Variants in CTIF observed in about 807,000 individuals in gnomAD.
CTIF encodes the protein CBP80/20-dependent translation initiation factor.
In CTIF, 21 loss-of-function variants were observed where a neutral mutation model predicts 66.0. The observed-to-expected ratio is 0.32, with a 90% CI of 0.23 to 0.46. The LOEUF (loss-of-function observed/expected upper bound fraction) is 0.46, where lower values mean the gene tolerates loss of function less well. Ranked by LOEUF, CTIF falls within the 20% of genes least tolerant of loss-of-function variation. The pLI, the probability that CTIF is intolerant of heterozygous loss-of-function variation, is 1.00. For missense variants in CTIF, 739 were observed against 812.7 expected (o/e 0.91, Z 1.10); for synonymous variants, 345 against 326.4 (o/e 1.06, Z -0.62).
intron 10 of CTIF, among the ~76,000 whole-genome samples, chr18:48,824,455 C>T (rs2068542888): frequency 6.6e-6 from 1 of 152,088 alleles, no homozygotes; most frequent in South Asian, 2.1e-4. Context: ...AGCCTTCATT[C>T]CCTGACCCTA....
In CTIF at chr18:48,761,167, A is replaced by G. The variant is rs1392103663; in HGVS notation, c.1072-223A>G. ...TGGGTAGGAGCTAGAACCCAAAAAC[A>G]GTATCAGCCCTGGATGTCATAGGGG... is the stretch of plus-strand genomic sequence containing the variant. On this transcript the variant is annotated intron_variant, in intron 8 of 11. Transcript: ENST00000256413. This position sits in a 1 kb window ranked among gnomAD's most constrained non-coding sequence, Gnocchi z 4.2. 5.9e-6 allele frequency: 3 copies of G among 511,114 alleles called. No homozygotes were observed. Among genetic ancestry groups the G allele is most frequent in the Non-Finnish European group, 1.0e-5 (3 of 290,114 alleles). 31.7% of individuals were successfully genotyped at this position (511,114 alleles called of 1,614,324 possible).
intron 2 of CTIF, among the ~76,000 whole-genome samples, chr18:48,628,315 G>T (rs1047273994): frequency 6.6e-6 from 1 of 152,178 alleles, no homozygotes; most frequent in Non-Finnish European, 1.5e-5. Flanking sequence ...GCTGGGTGCT[G>T]CTTTAAGCCC....
intron 10 of CTIF, among the ~76,000 whole-genome samples, chr18:48,825,756 AT>A (rs1315406164): frequency 1.3e-5 from 2 of 152,168 alleles, no homozygotes; most frequent in African/African-American, 2.4e-5. Context: ...GGGAGCAGAG[AT>A]TTGCTGGCTG....
At chr18:48,830,635 A>G (rs372014450) in intron 10 of CTIF, among the ~76,000 whole-genome samples, 58 of 152,324 alleles carry the variant, frequency 3.8e-4, no homozygotes, top group African/African-American at 1.3e-3. Flanking sequence ...GTGGAAGAAC[A>G]CAGTAGAATA....
intron 6 of CTIF, among the ~76,000 whole-genome samples, chr18:48,700,548 C>T (rs1434355297): frequency 6.6e-6 from 1 of 152,236 alleles, no homozygotes; most frequent in Non-Finnish European, 1.5e-5. Context: ...CAGGGGCTCC[C>T]TCCCTGCTAC....
At chr18:48,752,265 T>C (rs747925274) in intron 7 of CTIF, among the ~76,000 whole-genome samples, 16 of 152,344 alleles carry the variant, frequency 1.1e-4, no homozygotes, top group Non-Finnish European at 1.8e-4. Flanking sequence ...GGAGTGTTTC[T>C]GATGCATGCT....
chr18:48,620,925 C>T (rs762751619), intron 2 of CTIF, among the ~76,000 whole-genome samples: 4 of 152,214 alleles, frequency 2.6e-5, no homozygotes, highest in South Asian at 2.1e-4. Context: ...CCACAGTAAT[C>T]CCATGCCCTG....
At chr18:48,730,355 TGTGTGAGGGGCCCCTGCG>T (rs1568171203) in intron 7 of CTIF, among the ~76,000 whole-genome samples, 6 of 36,098 alleles carry the variant, frequency 1.7e-4, no homozygotes, top group South Asian at 1.4e-3. Context: ...GGGCTCCTGC[TGTGTGAGGGGCCCCTGCG>T]GTGTGAGGGG....
intron 2 of CTIF, among the ~76,000 whole-genome samples, chr18:48,633,171 C>T (rs1245943025): frequency 6.6e-6 from 1 of 152,058 alleles, no homozygotes; most frequent in East Asian, 1.9e-4. Context: ...AGGGGAGAAG[C>T]CTTTTTCTGA....
intron 3 of CTIF, chr18:48,661,902 A>G (rs2091353064): frequency 6.6e-6 from 1 of 152,252 alleles, no homozygotes; most frequent in East Asian, 1.9e-4. Flanking sequence ...GCATGTTTAA[A>G]GAAGATGGTG....
At chr18:48,604,150 G>A (rs1266817186) in intron 1 of CTIF, among the ~76,000 whole-genome samples, 2 of 130,776 alleles carry the variant, frequency 1.5e-5, no homozygotes, top group South Asian at 2.6e-4. Context: ...CGCTGACTCC[G>A]TGATTTTTTT....
chr18:48,778,333 C>T (rs563377100), intron 9 of CTIF, among the ~76,000 whole-genome samples: 5 of 152,242 alleles, frequency 3.3e-5, no homozygotes, highest in South Asian at 2.1e-4. Flanking sequence ...AATCAGGAGG[C>T]GGGAGCCCCA....
chr18:48,742,776 G>A (rs2092565909), intron 7 of CTIF, among the ~76,000 whole-genome samples: 1 of 152,222 alleles, frequency 6.6e-6, no homozygotes, highest in Non-Finnish European at 1.5e-5. Flanking sequence ...GTCTGTCTGG[G>A]TCCAGTGTCT....
At chr18:48,855,447 T>C (rs1447990985) in intron 10 of CTIF, among the ~76,000 whole-genome samples, 2 of 152,250 alleles carry the variant, frequency 1.3e-5, no homozygotes, top group Non-Finnish European at 2.9e-5. Flanking sequence ...TTTGCATGAA[T>C]TGAGTTAGAT....
intron 3 of CTIF, among the ~76,000 whole-genome samples, chr18:48,658,417 T>TGTTTG (rs1555665884): frequency 1.5e-5 from 1 of 66,232 alleles, no homozygotes; most frequent in Non-Finnish European, 4.4e-5. Context: ...TGCACATATG[T>TGTTTG]GTGTTTGGTG....
At chr18:48,828,396 A>AT (rs2068625517) in intron 10 of CTIF, among the ~76,000 whole-genome samples, 1 of 152,218 alleles carries the variant, frequency 6.6e-6, no homozygotes, top group Admixed American at 6.5e-5. Flanking sequence ...TGAAGGGTAT[A>AT]TAGCAGGGAG....
intron 3 of CTIF, among the ~76,000 whole-genome samples, chr18:48,638,802 A>G (rs2090872350): frequency 1.3e-5 from 2 of 152,262 alleles, no homozygotes; most frequent in African/African-American, 4.8e-5. Flanking sequence ...TCCTTTCTTG[A>G]CAGGTGGAAC....
At chr18:48,548,950 A>G (rs995369520) in intron 1 of CTIF, among the ~76,000 whole-genome samples, 2 of 152,066 alleles carry the variant, frequency 1.3e-5, no homozygotes, top group Non-Finnish European at 2.9e-5. Context: ...GAGAATGAAA[A>G]GGGTGCCAAG....
intron 1 of CTIF, among the ~76,000 whole-genome samples, chr18:48,602,558 T>C (rs1309549827): frequency 1.3e-5 from 2 of 152,366 alleles, no homozygotes; most frequent in African/African-American, 2.4e-5. Context: ...CTAAGATCTC[T>C]TCTAGTTCTA....
Sources: gnomAD v4.1 joint callset for allele counts (sites outside exome capture counted in the v4.1 genomes callset) on GRCh38, gnomAD v4.1.1 for gene constraint, Gnocchi (gnomAD v3.1) non-coding constraint, MANE v1.5 for transcripts, NCBI Gene and HGNC (gene_info 2026-07-23, HGNC 2026-07-21) for gene names.